ERC2: variants seen among roughly 807,000 people sequenced by gnomAD.
The protein encoded by ERC2 is ERC protein 2.
ERC2 carries 42 observed loss-of-function variants against 114.8 expected under a neutral mutation model. That is an observed-to-expected ratio of 0.37 (90% CI 0.29 to 0.47). The LOEUF (loss-of-function observed/expected upper bound fraction) is 0.47, where lower values mean the gene tolerates loss of function less well. ERC2 is among the 20% of genes least tolerant of loss of function. The pLI is 0.99. For synonymous variants in ERC2, 454 were observed against 425.5 expected (o/e 1.07, Z -0.82); for missense variants, 939 against 1,150.7 (o/e 0.82, Z 2.66).
intron 17 of ERC2, among the ~76,000 whole-genome samples, chr3:55,581,336 A>G (rs2057251211): frequency 2.0e-5 from 3 of 152,216 alleles, no homozygotes; most frequent in Non-Finnish European, 2.9e-5. Context: ...CCCATGGGGA[A>G]AAAAGGTGAG....
chr3:55,689,748 G>A (rs146933072), intron 16 of ERC2, among the ~76,000 whole-genome samples: 137 of 150,644 alleles, frequency 9.1e-4, no homozygotes, highest in African/African-American at 2.9e-3. Context: ...AGCCGAGATC[G>A]CGCCATTGCA....
At chr3:56,002,684 A>C (rs2072166025) in intron 10 of ERC2, among the ~76,000 whole-genome samples, 1 of 152,174 alleles carries the variant, frequency 6.6e-6, no homozygotes, top group African/African-American at 2.4e-5. Context: ...CCCTGTTTTT[A>C]AATCTAAACC....
chr3:55,906,256 C>A (rs924812938), intron 13 of ERC2, among the ~76,000 whole-genome samples: 4 of 151,886 alleles, frequency 2.6e-5, no homozygotes, highest in Non-Finnish European at 1.5e-5. Context: ...CACGGTGAAA[C>A]CCCATCTCTA....
chr3:56,010,340 C>A, intron 9 of ERC2, 109 bp downstream of exon 9: 1 of 1,332,140 alleles, frequency 7.5e-7, no homozygotes. Flanking sequence ...TACTACATTC[C>A]CCAAGCCTTC....
intron 1 of ERC2, among the ~76,000 whole-genome samples, chr3:56,458,380 T>C (rs1221118814): frequency 1.3e-5 from 2 of 152,166 alleles, no homozygotes; most frequent in Non-Finnish European, 2.9e-5. Flanking sequence ...CAGTGCTATG[T>C]CTCTGTATCC....
intron 4 of ERC2, among the ~76,000 whole-genome samples, chr3:56,153,917 C>T (rs761103213): frequency 2.0e-5 from 3 of 152,076 alleles, no homozygotes; most frequent in Admixed American, 1.3e-4. Flanking sequence ...TATTGGTCTA[C>T]GGACATTGAT....
At chr3:56,352,934 C>T (rs541039468) in intron 2 of ERC2, among the ~76,000 whole-genome samples, 1 of 152,264 alleles carries the variant, frequency 6.6e-6, no homozygotes, top group Admixed American at 6.5e-5. Flanking sequence ...AAAGAAACTC[C>T]TTCCAAGCCA....
At chr3:56,420,037 T>C (rs562668373) in intron 2 of ERC2, among the ~76,000 whole-genome samples, 21 of 152,296 alleles carry the variant, frequency 1.4e-4, no homozygotes, top group African/African-American at 5.1e-4. Flanking sequence ...TAGGATTCCT[T>C]GGAAACTTTT....
At chr3:56,243,476 A>T (rs1307174720) in intron 3 of ERC2, among the ~76,000 whole-genome samples, 1 of 152,222 alleles carries the variant, frequency 6.6e-6, no homozygotes, top group Admixed American at 6.5e-5. Context: ...AAGGATGTAC[A>T]GTCACGGCTC....
At chr3:55,602,324 C>T (rs779767403) in intron 17 of ERC2, among the ~76,000 whole-genome samples, 13 of 152,116 alleles carry the variant, frequency 8.5e-5, no homozygotes, top group Non-Finnish European at 1.6e-4. Flanking sequence ...ACAACCCTTC[C>T]CTAAAAGCCA....
intron 3 of ERC2, among the ~76,000 whole-genome samples, chr3:56,182,078 G>A (rs1006189771): frequency 8.5e-5 from 13 of 152,122 alleles, no homozygotes; most frequent in African/African-American, 2.9e-4. Context: ...TTAAATTTGG[G>A]GTAATGTGTT....
chr3:56,188,271 C>T (rs1043345965), intron 3 of ERC2, among the ~76,000 whole-genome samples: 1 of 152,192 alleles, frequency 6.6e-6, no homozygotes, highest in African/African-American at 2.4e-5. Context: ...AAACATCATT[C>T]CACATTCCTG....
At chr3:56,333,591 C>A (rs2057725462) in intron 2 of ERC2, among the ~76,000 whole-genome samples, 1 of 152,150 alleles carries the variant, frequency 6.6e-6, no homozygotes, top group African/African-American at 2.4e-5. Flanking sequence ...TGTAAAAGAT[C>A]ACAAAGACAC....
chr3:55,740,051 A>G (rs993128468), intron 14 of ERC2, among the ~76,000 whole-genome samples: 1 of 152,120 alleles, frequency 6.6e-6, no homozygotes, highest in Non-Finnish European at 1.5e-5. Flanking sequence ...TATGATTCTA[A>G]AATTTAGGCT....
intron 12 of ERC2, among the ~76,000 whole-genome samples, chr3:55,976,479 C>G (rs2069601788): frequency 6.6e-6 from 1 of 152,182 alleles, no homozygotes; most frequent in Non-Finnish European, 1.5e-5. Flanking sequence ...AACTCCATTT[C>G]TTTACAACTC....
rs1483976175 is a variant in ERC2, at chr3:55,884,464, T to C, written c.2564+3925A>G. Among the ~76,000 whole-genome samples the C allele has an allele frequency of 3.3e-5, 5 of 152,304 alleles. No homozygotes were observed. The East Asian group carries it at 7.7e-4, about 23-fold the overall frequency. ...GTTTCTTTATACTGCCTCTTTTTTT[T>C]CCCTTAAAATGAACAATATCACCTA... is the stretch of plus-strand genomic sequence containing the variant. On this transcript the variant is annotated intron_variant, in intron 14 of 17. Coordinates refer to ENST00000288221, the MANE Select transcript of ERC2 (RefSeq NM_015576.3).
intron 3 of ERC2, among the ~76,000 whole-genome samples, chr3:56,240,329 T>C (rs527981415): frequency 6.6e-6 from 1 of 152,316 alleles, no homozygotes; most frequent in Non-Finnish European, 1.5e-5. Flanking sequence ...TGGGAGAAGT[T>C]TATTTAACAG....
At chr3:56,343,859 C>T (rs1194504626) in intron 2 of ERC2, among the ~76,000 whole-genome samples, 1 of 152,090 alleles carries the variant, frequency 6.6e-6, no homozygotes, top group Non-Finnish European at 1.5e-5. Flanking sequence ...AAAGTCTTGC[C>T]CTTGTTACCT....
chr3:55,535,769 G>A (rs948905158), intron 17 of ERC2, among the ~76,000 whole-genome samples: 18 of 152,198 alleles, frequency 1.2e-4, no homozygotes, highest in Admixed American at 2.6e-4. Flanking sequence ...CAAGGTGGGC[G>A]GATCACCTGA....
Sources: gnomAD v4.1 joint callset for allele counts (sites outside exome capture counted in the v4.1 genomes callset) on GRCh38, gnomAD v4.1.1 for gene constraint, MANE v1.5 for transcripts, NCBI Gene and HGNC (gene_info 2026-07-23, HGNC 2026-07-21) for gene names.